ADAMTS18: variants seen among roughly 807,000 people sequenced by gnomAD.
ADAMTS18 encodes ADAM metallopeptidase with thrombospondin type 1 motif 18.
A neutral mutation model predicts 165.9 loss-of-function variants in ADAMTS18; 157 were observed. The observed-to-expected ratio is 0.95, with a 90% CI of 0.83 to 1.08. The LOEUF is 1.08. ADAMTS18 is among the 50% of genes least tolerant of loss of function. ADAMTS18 has a pLI of 0.00. For synonymous variants in ADAMTS18, 782 were observed against 578.2 expected (o/e 1.35, Z -5.06); for missense variants, 2,040 against 1,534.0 (o/e 1.33, Z -5.51).
At chr16:77,307,612 A>C (rs1488371499) in intron 16 of ADAMTS18, among the ~76,000 whole-genome samples, 1 of 152,190 alleles carries the variant, frequency 6.6e-6, no homozygotes, top group Non-Finnish European at 1.5e-5. Flanking sequence ...AGCAAATGGC[A>C]ATCTCTAGAC....
rs1286791076 is a variant in ADAMTS18, at chr16:77,434,705, C to T, written c.-10G>A. The T allele has an allele frequency of 7.0e-7, 1 of 1,438,284 alleles. No individual in the cohort carries two copies. Among genetic ancestry groups the T allele is most frequent in the Non-Finnish European group, 9.1e-7 (1 of 1,098,064 alleles). 89.1% of individuals were successfully genotyped at this position (1,438,284 alleles called of 1,614,324 possible). On this transcript the variant is annotated 5_prime_UTR_variant, in exon 1 of 23. Transcript: ENST00000282849. ...GGAGGGCGCACTCCATGGTCAGGTG[C>T]GGACGCGGCGGCTGCGGGTGGCCAG...
intron 3 of ADAMTS18, among the ~76,000 whole-genome samples, chr16:77,372,953 C>G (rs754959049): frequency 3.9e-5 from 6 of 152,216 alleles, no homozygotes; most frequent in Non-Finnish European, 8.8e-5. Flanking sequence ...GCATAATCAA[C>G]TCCCTGCAGA....
chr16:77,294,389 G>A (rs918513998), intron 19 of ADAMTS18, among the ~76,000 whole-genome samples: 1 of 152,050 alleles, frequency 6.6e-6, no homozygotes, highest in Non-Finnish European at 1.5e-5. Flanking sequence ...ACTTACCCAC[G>A]GTTGAGAACC....
chr16:77,359,548 G>GA, intron 7 of ADAMTS18, 125 bp from the exon 8 acceptor site: 1 of 626,748 alleles, frequency 1.6e-6, no homozygotes, highest in Non-Finnish European at 2.7e-6. Context: ...CAGTGTTTTT[G>GA]GAAAAAAAAA....
At chr16:77,349,345 AAAATTTCACCATGGCAATGG>A (rs1447409686) in intron 10 of ADAMTS18, among the ~76,000 whole-genome samples, 6 of 152,030 alleles carry the variant, frequency 3.9e-5, no homozygotes, top group African/African-American at 1.4e-4. Context: ...GTGAGCTGTT[AAAATTTCACCATGGCAATGG>A]AAATTGATAG....
intron 11 of ADAMTS18, among the ~76,000 whole-genome samples, chr16:77,338,299 G>A (rs761884649): frequency 3.6e-4 from 54 of 152,008 alleles, no homozygotes; most frequent in Non-Finnish European, 2.1e-4. Flanking sequence ...GCAGTGGCAC[G>A]ATCTTGGCAC....
At chr16:77,334,789 A>AATATACTATATACTATAGTATACAGTGT (rs2056274797) in intron 12 of ADAMTS18, among the ~76,000 whole-genome samples, 1 of 23,938 alleles carries the variant, frequency 4.2e-5, no homozygotes, top group African/African-American at 1.9e-4. Flanking sequence ...GTATACAGTA[A>AATATACTATATACTATAGTATACAGTGT]ATATACTATA....
chr16:77,425,824 C>T (rs985461871), intron 3 of ADAMTS18, among the ~76,000 whole-genome samples: 3 of 152,026 alleles, frequency 2.0e-5, no homozygotes, highest in African/African-American at 7.3e-5. Flanking sequence ...AGGCAGATCA[C>T]CTGAGGTGAG....
At chr16:77,430,373 TAACA>T (rs940160688) in intron 3 of ADAMTS18, among the ~76,000 whole-genome samples, 15 of 152,170 alleles carry the variant, frequency 9.9e-5, no homozygotes, top group African/African-American at 3.4e-4. Flanking sequence ...AAGTTTCAAC[TAACA>T]AAGAACATGG....
At chr16:77,306,802 A>G (rs895703267) in intron 16 of ADAMTS18, among the ~76,000 whole-genome samples, 4 of 152,206 alleles carry the variant, frequency 2.6e-5, no homozygotes, top group Non-Finnish European at 4.4e-5. Flanking sequence ...ATTAATTCCA[A>G]TAGTGTAGAC....
chr16:77,308,714 C>T (rs145926220), intron 16 of ADAMTS18, among the ~76,000 whole-genome samples: 132 of 152,222 alleles, frequency 8.7e-4, no homozygotes, highest in African/African-American at 2.9e-3. Flanking sequence ...TACACCTAAA[C>T]CTCAAGATGG....
intron 12 of ADAMTS18, among the ~76,000 whole-genome samples, chr16:77,328,055 C>T (rs2056125450): frequency 6.6e-6 from 1 of 152,140 alleles, no homozygotes; most frequent in African/African-American, 2.4e-5. Flanking sequence ...CTACTCCTTT[C>T]CTGCCAAGCA....
intron 16 of ADAMTS18, among the ~76,000 whole-genome samples, chr16:77,319,479 G>A (rs999915103): frequency 1.3e-5 from 2 of 152,090 alleles, no homozygotes; most frequent in African/African-American, 4.8e-5. Flanking sequence ...GTCTTGCTCT[G>A]TTGCCCAGGC....
intron 3 of ADAMTS18, among the ~76,000 whole-genome samples, chr16:77,403,316 C>T (rs2057354390): frequency 6.6e-6 from 1 of 152,026 alleles, no homozygotes; most frequent in Admixed American, 6.6e-5. Context: ...TTTAAGTCAC[C>T]TCATTTAATC....
intron 3 of ADAMTS18, among the ~76,000 whole-genome samples, chr16:77,382,599 G>C (rs1469749082): frequency 1.3e-5 from 2 of 152,196 alleles, no homozygotes; most frequent in African/African-American, 4.8e-5. Context: ...TAGGGAAGAT[G>C]AAAGAAAGCT....
At position 77,285,577 on chromosome 16, in the gene ADAMTS18, T is replaced by A. The variant is rs185866890; in HGVS notation, c.3551-1506A>T. The stretch of plus-strand genomic sequence containing the variant: ...AGTTCCTTCTTCAAGCCTTGATTTT[T>A]CTGCCTAAAATTCCTTTTTATACAT... On this transcript the variant is annotated intron_variant, in intron 22 of 22. Transcript: ENST00000282849. 6.6e-5 allele frequency among the ~76,000 whole-genome samples: 10 copies of A among 151,618 alleles called. No homozygotes were observed. The East Asian group carries it at 1.9e-3, about 29-fold the overall frequency.
At chr16:77,319,725 G>T in intron 16 of ADAMTS18, 124 bp downstream of exon 16, 1 of 1,509,222 alleles carries the variant, frequency 6.6e-7, no homozygotes, top group Non-Finnish European at 9.1e-7. Flanking sequence ...TTACAGGCAT[G>T]AGCCACCATG....
chr16:77,415,111 C>G (rs947563463), intron 3 of ADAMTS18, among the ~76,000 whole-genome samples: 3 of 152,178 alleles, frequency 2.0e-5, no homozygotes, highest in Non-Finnish European at 4.4e-5. Context: ...TGCTAGATGC[C>G]ATAATACTCT....
rs754618023 is a variant in ADAMTS18, at chr16:77,293,253, G to A, written c.3012C>T (p.Ser1004=). Residue 1004 remains serine (S), a synonymous_variant, in exon 20 of 23, where the codon TCC becomes TCT. Coordinates refer to ENST00000282849, the MANE Select transcript of ADAMTS18 (RefSeq NM_199355.4). ...QWSLGPWSQC[S]KTCGRGVRKR... is the part of the protein sequence containing the mutation. Reference sequence around the variant, plus strand: ...TCCTCACCCCTCGTCCACAGGTCTTGGAACACTTGAGAAGACAAAAAAGTT... The same window carrying A: ...TCCTCACCCCTCGTCCACAGGTCTTAGAACACTTGAGAAGACAAAAAAGTT... 1.2e-6 allele frequency: 2 copies of A among 1,613,208 alleles called. No individual in the cohort carries two copies. Among genetic ancestry groups the A allele is most frequent in the Admixed American group, 1.7e-5 (1 of 59,932 alleles).
Sources: allele counts gnomAD v4.1 joint callset (sites outside exome capture counted in the v4.1 genomes callset), GRCh38; gene constraint gnomAD v4.1.1; transcripts MANE v1.5; gene names NCBI Gene and HGNC (gene_info 2026-07-23, HGNC 2026-07-21).